The following UTRN variants were observed in gnomAD, a reference collection of about 807,000 sequenced individuals.
UTRN encodes the protein utrophin.
In UTRN, 283 loss-of-function variants were observed where a neutral mutation model predicts 463.9. The ratio of observed to expected loss-of-function variants is 0.61; its 90% CI spans 0.55 to 0.67. The LOEUF (loss-of-function observed/expected upper bound fraction) is 0.67. UTRN is among the 30% of genes least tolerant of loss of function. UTRN has a pLI of 0.00. For synonymous variants in UTRN, 1,442 were observed against 1,431.5 expected (o/e 1.01, Z -0.17); for missense variants, 3,922 against 4,084.3 (o/e 0.96, Z 1.08).
chr6:144,710,356 T>C (rs913727428), intron 53 of UTRN, among the ~76,000 whole-genome samples: 15 of 152,086 alleles, frequency 9.9e-5, no homozygotes, highest in Non-Finnish European at 1.2e-4. Context: ...GCTGGAAAAA[T>C]GTAGCAGACC....
At chr6:144,443,578 CATT>C (rs1302317420) in intron 13 of UTRN, among the ~76,000 whole-genome samples, 2 of 152,000 alleles carry the variant, frequency 1.3e-5, no homozygotes, top group Admixed American at 6.5e-5. Context: ...ATTTGTTAAT[CATT>C]ATTTGTAAAA....
chr6:144,423,898 C>A, intron 5 of UTRN, 88 bp from the exon 6 acceptor site: 3 of 1,344,012 alleles, frequency 2.2e-6, no homozygotes, highest in Non-Finnish European at 3.2e-6. Flanking sequence ...ATACTGCTGT[C>A]CAAATGTGCT....
chr6:144,463,061 C>T lies in UTRN; in HGVS notation c.3066+195C>T, dbSNP rs185959440. Among the ~76,000 whole-genome samples, 197 of 152,154 alleles carry T rather than the reference C, an allele frequency of 1.3e-3. 1 individual carries two copies. Among genetic ancestry groups the T allele is most frequent in the African/African-American group, 4.4e-3 (184 of 41,482 alleles). On this transcript the variant is annotated intron_variant, in intron 23 of 74. Coordinates refer to ENST00000367545, the MANE Select transcript of UTRN (RefSeq NM_007124.3). Reference sequence around the variant, plus strand: ...ACATTTATTTCCTTTTGCCTGGAAGCAAAGTCAAAAGTAGAGTAAACTGGA... The same window carrying T: ...ACATTTATTTCCTTTTGCCTGGAAGTAAAGTCAAAAGTAGAGTAAACTGGA...
At chr6:144,301,071 C>T (rs941011590) in intron 2 of UTRN, among the ~76,000 whole-genome samples, 1 of 151,826 alleles carries the variant, frequency 6.6e-6, no homozygotes, top group African/African-American at 2.4e-5. Flanking sequence ...GTGGGGGGCT[C>T]ATAAATAAAA....
intron 2 of UTRN, among the ~76,000 whole-genome samples, chr6:144,373,699 AG>A (rs1260247174): frequency 6.6e-6 from 1 of 152,244 alleles, no homozygotes; most frequent in African/African-American, 2.4e-5. Context: ...GACAAAAAAT[AG>A]GATAATAGCT....
intron 51 of UTRN, among the ~76,000 whole-genome samples, chr6:144,589,422 G>A (rs1344556229): frequency 6.6e-6 from 1 of 152,084 alleles, no homozygotes. Context: ...AATTTGTTTT[G>A]CAAGTCAGCA....
At chr6:144,629,385 T>A (rs936181430) in intron 51 of UTRN, among the ~76,000 whole-genome samples, 2 of 152,222 alleles carry the variant, frequency 1.3e-5, no homozygotes, top group Non-Finnish European at 2.9e-5. Flanking sequence ...CTGTATTGTC[T>A]TTTATTTTAA....
At chr6:144,557,857 ATGTGT>A in intron 50 of UTRN, among the ~76,000 whole-genome samples, 1 of 152,308 alleles carries the variant, frequency 6.6e-6, no homozygotes, top group Middle Eastern at 3.4e-3. Context: ...AAAATAGAAT[ATGTGT>A]TTACAAGAGA....
intron 52 of UTRN, among the ~76,000 whole-genome samples, chr6:144,682,501 C>T (rs1388818467): frequency 2.0e-5 from 3 of 152,138 alleles, no homozygotes; most frequent in Non-Finnish European, 4.4e-5. Context: ...ATATAGCCAG[C>T]AGTGGGATTG....
At chr6:144,519,455 T>A (rs541551674) in intron 39 of UTRN, among the ~76,000 whole-genome samples, 6 of 152,328 alleles carry the variant, frequency 3.9e-5, no homozygotes, top group African/African-American at 1.4e-4. Context: ...CTTTGCTATA[T>A]GATGTGAGCT....
At chr6:144,643,936 G>A (rs879896097) in intron 51 of UTRN, among the ~76,000 whole-genome samples, 4 of 152,054 alleles carry the variant, frequency 2.6e-5, no homozygotes, top group Non-Finnish European at 4.4e-5. Flanking sequence ...TATTTCTGTC[G>A]TGTCGCATTT....
At chr6:144,464,770 G>A (rs1235572491) in intron 23 of UTRN, among the ~76,000 whole-genome samples, 2 of 152,082 alleles carry the variant, frequency 1.3e-5, no homozygotes, top group African/African-American at 4.8e-5. Context: ...AAAATGCTAG[G>A]ATTACAGACA....
At chr6:144,544,840 T>G (rs543412080) in intron 46 of UTRN, among the ~76,000 whole-genome samples, 1 of 152,330 alleles carries the variant, frequency 6.6e-6, no homozygotes, top group East Asian at 1.9e-4. Flanking sequence ...CCTCCACTTA[T>G]GCATAGGATC....
chr6:144,645,859 G>A (rs1778239186), intron 51 of UTRN, among the ~76,000 whole-genome samples: 1 of 152,092 alleles, frequency 6.6e-6, no homozygotes, highest in African/African-American at 2.4e-5. Flanking sequence ...GGGAGTGGGG[G>A]AGAAAGCAAC....
chr6:144,516,668 AC>A, intron 38 of UTRN, 142 bp from the exon 39 acceptor site: 4 of 672,194 alleles, frequency 6.0e-6, no homozygotes, highest in East Asian at 3.5e-5. Flanking sequence ...TTTAAAAAAA[AC>A]ATAAATTTTT....
At chr6:144,427,395 T>C (rs1785391530) in intron 7 of UTRN, among the ~76,000 whole-genome samples, 1 of 152,230 alleles carries the variant, frequency 6.6e-6, no homozygotes, top group African/African-American at 2.4e-5. Context: ...TTTCTACGTC[T>C]TATATCTGGA....
rs533371142 is a variant in UTRN, at chr6:144,325,964, G to A, written c.79+34057G>A. On this transcript the variant is annotated intron_variant, in intron 2 of 74. Coordinates refer to ENST00000367545, the MANE Select transcript of UTRN (RefSeq NM_007124.3). ...AAGATCTCAAGTAGAGATTGGAAGAGTGGATATAAAAGTGATAAGTAAAAA... is the reference window on the plus strand; with the variant it reads ...AAGATCTCAAGTAGAGATTGGAAGAATGGATATAAAAGTGATAAGTAAAAA... Among the ~76,000 whole-genome samples the A allele has an allele frequency of 2.3e-3, 349 of 152,318 alleles. 2 individuals are homozygous for A. The highest frequency in any genetic ancestry group is 7.5e-3 in the African/African-American group (313 of 41,580).
intron 36 of UTRN, 93 bp downstream of exon 36, chr6:144,514,130 A>C (rs1205860182): frequency 4.1e-5 from 61 of 1,502,946 alleles, no homozygotes; most frequent in East Asian, 1.8e-4. Context: ...CTTAGCTCTC[A>C]TTCCTCCCAA....
chr6:144,686,966 T>G (rs1223515773), intron 52 of UTRN, among the ~76,000 whole-genome samples: 1 of 152,150 alleles, frequency 6.6e-6, no homozygotes, highest in Non-Finnish European at 1.5e-5. Context: ...TGTGTTATTG[T>G]TTTATAGACC....
Sources: gnomAD v4.1 joint callset for allele counts (sites outside exome capture counted in the v4.1 genomes callset) on GRCh38, gnomAD v4.1.1 for gene constraint, MANE v1.5 for transcripts, NCBI Gene and HGNC (gene_info 2026-07-23, HGNC 2026-07-21) for gene names.